The following B3GALT1 variants were observed in gnomAD, a reference collection of about 807,000 sequenced individuals.
B3GALT1 encodes beta-1,3-galactosyltransferase 1.
Under a neutral mutation model 23.2 loss-of-function variants are expected in B3GALT1, and 10 were observed. The ratio of observed to expected loss-of-function variants is 0.43; its 90% CI spans 0.27 to 0.73. The LOEUF is 0.73. B3GALT1 is among the 30% of genes least tolerant of loss of function. The pLI, the probability that B3GALT1 is intolerant of heterozygous loss-of-function variation, is 0.21. For synonymous variants in B3GALT1, 156 were observed against 141.5 expected (o/e 1.10, Z -0.73); for missense variants, 299 against 405.4 (o/e 0.74, Z 2.25).
chr2:167,662,789 A>G (rs1686087305), intron 3 of B3GALT1, among the ~76,000 whole-genome samples: 3 of 151,952 alleles, frequency 2.0e-5, no homozygotes, highest in African/African-American at 7.3e-5. Flanking sequence ...CTCTCCAGCT[A>G]CATTGACCCC....
At chr2:167,301,599 GGAGTGCAATGGCA>G (rs1160538988) in intron 1 of B3GALT1, among the ~76,000 whole-genome samples, 1 of 152,166 alleles carries the variant, frequency 6.6e-6, no homozygotes, top group African/African-American at 2.4e-5. Flanking sequence ...CATCCAGGCT[GGAGTGCAATGGCA>G]CACTCTCAGC....
At chr2:167,604,956 A>G (rs1003652280) in intron 2 of B3GALT1, among the ~76,000 whole-genome samples, 6 of 152,252 alleles carry the variant, frequency 3.9e-5, no homozygotes, top group Non-Finnish European at 4.4e-5. Flanking sequence ...TTTTATAGTC[A>G]TTTAAGAACT....
intron 2 of B3GALT1, among the ~76,000 whole-genome samples, chr2:167,596,422 A>AAGTT (rs1684775500): frequency 6.6e-6 from 1 of 152,194 alleles, no homozygotes; most frequent in African/African-American, 2.4e-5. Flanking sequence ...ACACAATTCT[A>AAGTT]CCATTTATTA....
intron 2 of B3GALT1, among the ~76,000 whole-genome samples, chr2:167,549,423 C>T (rs1040492586): frequency 3.3e-5 from 5 of 152,210 alleles, no homozygotes; most frequent in African/African-American, 1.2e-4. Flanking sequence ...TAACAGTATG[C>T]TCTTCACTCT....
chr2:167,502,457 C>T (rs932487187), intron 2 of B3GALT1, among the ~76,000 whole-genome samples: 6 of 152,132 alleles, frequency 3.9e-5, no homozygotes, highest in Admixed American at 1.3e-4. Flanking sequence ...GAAAGAACTA[C>T]CTGAAACTTA....
At chr2:167,812,732 G>T (rs1004616782) in intron 3 of B3GALT1, among the ~76,000 whole-genome samples, 1 of 152,072 alleles carries the variant, frequency 6.6e-6, no homozygotes, top group South Asian at 2.1e-4. Context: ...TGAAAGACTG[G>T]CTCAGATGTA....
At chr2:167,361,765 C>G (rs1246007405) in intron 1 of B3GALT1, among the ~76,000 whole-genome samples, 1 of 151,992 alleles carries the variant, frequency 6.6e-6, no homozygotes, top group Non-Finnish European at 1.5e-5. Flanking sequence ...CTTTGTAAAA[C>G]CTTCTTTGTC....
At chr2:167,328,514 T>C (rs1696928978) in intron 1 of B3GALT1, among the ~76,000 whole-genome samples, 1 of 152,172 alleles carries the variant, frequency 6.6e-6, no homozygotes. Flanking sequence ...TTGTTCATAA[T>C]AATCTCTGAA....
chr2:167,624,234 T>C (rs1174349280), intron 2 of B3GALT1, among the ~76,000 whole-genome samples: 2 of 152,024 alleles, frequency 1.3e-5, no homozygotes, highest in Admixed American at 6.6e-5. Flanking sequence ...CCAACTTCTT[T>C]CTCTCAGGTT....
At chr2:167,462,946 T>G (rs1699283188) in intron 1 of B3GALT1, among the ~76,000 whole-genome samples, 1 of 152,184 alleles carries the variant, frequency 6.6e-6, no homozygotes, top group African/African-American at 2.4e-5. Context: ...AAATTTGTTC[T>G]GTGGCACTTT....
intron 2 of B3GALT1, among the ~76,000 whole-genome samples, chr2:167,515,806 C>T (rs1348449718): frequency 2.6e-5 from 4 of 152,046 alleles, no homozygotes; most frequent in African/African-American, 7.2e-5. Flanking sequence ...TGAATCTTCT[C>T]ACTTTACTGA....
At chr2:167,458,285 A>G (rs1317065663) in intron 1 of B3GALT1, among the ~76,000 whole-genome samples, 3 of 152,208 alleles carry the variant, frequency 2.0e-5, no homozygotes, top group African/African-American at 7.2e-5. Flanking sequence ...AGCATGTGTC[A>G]GAAGTTTCTT....
rs183433663 is a variant in B3GALT1, at chr2:167,698,992, C to A, written c.-352+52026C>A. ...CCTTTAATGTTCAGAACAAAAATGA[C>A]GAGAGAATAAAGAGATCTTAAAAGA... is the stretch of plus-strand genomic sequence containing the variant. On this transcript the variant is annotated intron_variant, in intron 3 of 4. Transcript: ENST00000392690. 7.9e-5 allele frequency among the ~76,000 whole-genome samples: 12 copies of A among 152,116 alleles called. No homozygotes were observed. The South Asian group carries it at 1.5e-3, about 18-fold the overall frequency.
At chr2:167,322,691 A>G (rs1696833030) in intron 1 of B3GALT1, among the ~76,000 whole-genome samples, 1 of 152,050 alleles carries the variant, frequency 6.6e-6, no homozygotes, top group Non-Finnish European at 1.5e-5. Context: ...ATTTGTCAAA[A>G]GAAGTGTGAA....
At position 167,654,523 on chromosome 2, in the gene B3GALT1, A is replaced by G. The variant is rs577924334; in HGVS notation, c.-352+7557A>G. ...TCTCTCTCTTTCTTTTTTTTGAGAC[A>G]GGGCCTCACTGTGCCACTCAGGCTG... On this transcript the variant is annotated intron_variant, in intron 3 of 4. Transcript: ENST00000392690. Among the ~76,000 whole-genome samples the G allele has an allele frequency of 8.8e-4, 134 of 152,114 alleles. 1 individual carries two copies. Among genetic ancestry groups the G allele is most frequent in the Middle Eastern group, 3.4e-3 (1 of 294 alleles).
At chr2:167,738,973 T>C (rs1277273871) in intron 3 of B3GALT1, among the ~76,000 whole-genome samples, 1 of 152,218 alleles carries the variant, frequency 6.6e-6, no homozygotes, top group Non-Finnish European at 1.5e-5. Flanking sequence ...GTCATTCCTT[T>C]ATGATTGGAC....
chr2:167,826,174 G>A (rs988457817), intron 4 of B3GALT1, among the ~76,000 whole-genome samples: 3 of 152,104 alleles, frequency 2.0e-5, no homozygotes, highest in Non-Finnish European at 4.4e-5. Context: ...GTGAGCCTAG[G>A]TCACACGGCA....
At chr2:167,464,548 C>T (rs1303016381) in intron 1 of B3GALT1, among the ~76,000 whole-genome samples, 1 of 152,086 alleles carries the variant, frequency 6.6e-6, no homozygotes, top group Non-Finnish European at 1.5e-5. Flanking sequence ...AATCAGAATT[C>T]ATCCAATATA....
chr2:167,751,522 C>T (rs1181194924), intron 3 of B3GALT1, among the ~76,000 whole-genome samples: 1 of 152,154 alleles, frequency 6.6e-6, no homozygotes, highest in Admixed American at 6.5e-5. Context: ...AATAAGACTT[C>T]ATCCAGGGGC....
Sources: allele counts gnomAD v4.1 joint callset (sites outside exome capture counted in the v4.1 genomes callset), GRCh38; gene constraint gnomAD v4.1.1; transcripts MANE v1.5; gene names NCBI Gene and HGNC (gene_info 2026-07-23, HGNC 2026-07-21).